The following CCDC178 variants were observed in gnomAD, a reference collection of about 807,000 sequenced individuals.
CCDC178 encodes coiled-coil domain-containing protein 178.
In CCDC178, 126 loss-of-function variants were observed where a neutral mutation model predicts 117.4. That is an observed-to-expected ratio of 1.07 (90% CI 0.93 to 1.24). The LOEUF (loss-of-function observed/expected upper bound fraction) is 1.24, where lower values mean the gene tolerates loss of function less well. CCDC178 is among the 50% of genes most tolerant of loss of function. The pLI, the probability that CCDC178 is intolerant of heterozygous loss-of-function variation, is 0.00. For missense variants in CCDC178, 1,030 were observed against 986.9 expected, an observed-to-expected ratio of 1.04 and a Z score of -0.59; for synonymous variants, 283 against 313.4, an observed-to-expected ratio of 0.90 and a Z score of 1.02.
intron 21 of CCDC178, among the ~76,000 whole-genome samples, chr18:32,996,990 A>G (rs2055525126): frequency 6.6e-6 from 1 of 152,152 alleles, no homozygotes. Context: ...ACAAAGAAAA[A>G]TAAAATAAAA....
At chr18:33,268,120 G>T (rs2144772446) in intron 12 of CCDC178, among the ~76,000 whole-genome samples, 1 of 151,752 alleles carries the variant, frequency 6.6e-6, no homozygotes, top group Non-Finnish European at 1.5e-5. Flanking sequence ...ATAGCAAAAT[G>T]GAGTAGTCTT....
At chr18:33,286,717 G>A (rs763644541) in intron 12 of CCDC178, among the ~76,000 whole-genome samples, 1 of 152,052 alleles carries the variant, frequency 6.6e-6, no homozygotes, top group Non-Finnish European at 1.5e-5. Context: ...ACATTTATAT[G>A]AAAACTAAGT....
intron 20 of CCDC178, among the ~76,000 whole-genome samples, chr18:33,206,694 T>A (rs2059048649): frequency 6.6e-6 from 1 of 152,156 alleles, no homozygotes; most frequent in Non-Finnish European, 1.5e-5. Context: ...ATTGTTAAAT[T>A]TTTTCTTCAG....
chr18:33,006,087 G>T (rs1843661412), intron 21 of CCDC178, among the ~76,000 whole-genome samples: 1 of 151,942 alleles, frequency 6.6e-6, no homozygotes, highest in Non-Finnish European at 1.5e-5. Context: ...ACATTCGTTT[G>T]GTTGACTGTA....
intron 21 of CCDC178, among the ~76,000 whole-genome samples, chr18:33,058,158 C>T (rs960518382): frequency 2.0e-5 from 3 of 152,246 alleles, no homozygotes; most frequent in East Asian, 1.9e-4. Flanking sequence ...TAGATACATA[C>T]ACCCTACAGA....
At chr18:33,375,753 C>A (rs1356802437) in intron 5 of CCDC178, among the ~76,000 whole-genome samples, 2 of 152,082 alleles carry the variant, frequency 1.3e-5, no homozygotes, top group African/African-American at 4.8e-5. Flanking sequence ...ATGCCTGGTA[C>A]AGAGGATCCT....
intron 3 of CCDC178, among the ~76,000 whole-genome samples, chr18:33,402,917 A>G (rs919534824): frequency 1.4e-4 from 21 of 152,338 alleles, no homozygotes; most frequent in African/African-American, 5.0e-4. Context: ...GACTTACTCT[A>G]TCAAAATCTT....
intron 20 of CCDC178, among the ~76,000 whole-genome samples, chr18:33,096,292 A>C (rs1250649911): frequency 1.5e-5 from 2 of 136,026 alleles, no homozygotes; most frequent in Non-Finnish European, 3.2e-5. Flanking sequence ...TAAAAATATA[A>C]AATATAAAAA....
At position 33,403,442 on chromosome 18, in the gene CCDC178, G is replaced by A. The variant is rs1478803412; in HGVS notation, c.59-6234C>T. 4.7e-5 allele frequency among the ~76,000 whole-genome samples: 7 copies of A among 149,086 alleles called. No individual in the cohort carries two copies. The Admixed American group carries it at 4.7e-4, about 10-fold the overall frequency. On this transcript the variant is annotated intron_variant, in intron 3 of 22. Transcript: ENST00000383096. ...CAATCTGATGACCACAGGTTCTCAC[G>A]TTCTATTATTTTAAATGCCCAGTTT...
chr18:33,060,457 C>G (rs570319367), intron 21 of CCDC178, among the ~76,000 whole-genome samples: 61 of 152,154 alleles, frequency 4.0e-4, no homozygotes, highest in Middle Eastern at 3.4e-3. Context: ...GCCCAGTTTT[C>G]TCAAATATGA....
chr18:33,105,361 T>C (rs561102801), intron 20 of CCDC178, among the ~76,000 whole-genome samples: 27 of 151,794 alleles, frequency 1.8e-4, no homozygotes, highest in South Asian at 1.2e-3. Flanking sequence ...ATAAAAACTT[T>C]CTGCTCTTAT....
intron 21 of CCDC178, among the ~76,000 whole-genome samples, chr18:33,088,353 G>T (rs1246440971): frequency 6.6e-6 from 1 of 151,548 alleles, no homozygotes; most frequent in Non-Finnish European, 1.5e-5. Flanking sequence ...GGATTGTATT[G>T]ACTCTATATA....
At chr18:33,301,882 CTT>C (rs1240878340) in intron 11 of CCDC178, among the ~76,000 whole-genome samples, 1 of 151,996 alleles carries the variant, frequency 6.6e-6, no homozygotes, top group Non-Finnish European at 1.5e-5. Context: ...TGAGTTAAGA[CTT>C]TTTTTTATTT....
intron 21 of CCDC178, among the ~76,000 whole-genome samples, chr18:33,080,444 A>G (rs2057279462): frequency 6.6e-6 from 1 of 152,018 alleles, no homozygotes; most frequent in Non-Finnish European, 1.5e-5. Flanking sequence ...AGAAGAGGAG[A>G]TCTGGACAGA....
intron 9 of CCDC178, among the ~76,000 whole-genome samples, chr18:33,338,565 C>T (rs1186006710): frequency 2.0e-5 from 3 of 152,216 alleles, no homozygotes; most frequent in East Asian, 3.9e-4. Flanking sequence ...ACTACTCAGA[C>T]ATACAAAGGA....
At chr18:33,178,956 T>C (rs2144464664) in intron 20 of CCDC178, among the ~76,000 whole-genome samples, 1 of 148,382 alleles carries the variant, frequency 6.7e-6, no homozygotes, top group East Asian at 2.0e-4. Flanking sequence ...GGCATCATAG[T>C]GATAACAATT....
intron 11 of CCDC178, among the ~76,000 whole-genome samples, chr18:33,304,450 C>G (rs570833724): frequency 6.6e-6 from 1 of 152,256 alleles, no homozygotes; most frequent in African/African-American, 2.4e-5. Context: ...AGAATGCTAG[C>G]AAGATAAGTC....
Position 33,215,530 on chromosome 18 carries a change from G to C in CCDC178, c.2078+20C>G, listed in dbSNP as rs368398499. Reference sequence around the variant, plus strand: ...ATATTTTTTAAAAACTTCATATTTTGATAAAGTTTAAGTACTTACTTTAAT... The same window carrying C: ...ATATTTTTTAAAAACTTCATATTTTCATAAAGTTTAAGTACTTACTTTAAT... On this transcript the variant is annotated intron_variant, in intron 19 of 22. Transcript: ENST00000383096. The C allele has an allele frequency of 6.8e-6, 8 of 1,175,852 alleles. No individual in the cohort carries two copies. The highest frequency in any genetic ancestry group is 3.1e-5 in the East Asian group (1 of 32,370). 72.8% of individuals were successfully genotyped at this position (1,175,852 alleles called of 1,614,324 possible). A position where few individuals can be genotyped will look rare whatever the true frequency, so the allele number is the denominator to read the frequency against.
chr18:32,946,770 T>TTTTCTC (rs2054361627), intron 22 of CCDC178, among the ~76,000 whole-genome samples: 1 of 150,990 alleles, frequency 6.6e-6, no homozygotes, highest in South Asian at 2.1e-4. Flanking sequence ...TTAGTGTCTT[T>TTTTCTC]TTTTTCTTTT....
Sources: allele counts gnomAD v4.1 joint callset (sites outside exome capture counted in the v4.1 genomes callset), GRCh38; gene constraint gnomAD v4.1.1; transcripts MANE v1.5; gene names NCBI Gene and HGNC (gene_info 2026-07-23, HGNC 2026-07-21).